Variants in MYH13 observed in about 807,000 individuals in gnomAD.
MYH13 encodes the protein myosin heavy chain 13.
A neutral mutation model predicts 232.1 loss-of-function variants in MYH13; 177 were observed. The ratio of observed to expected loss-of-function variants is 0.76; its 90% CI spans 0.67 to 0.86. MYH13 has a LOEUF of 0.86. Ranked by LOEUF, MYH13 falls within the 40% of genes least tolerant of loss-of-function variation. The probability of loss-of-function intolerance (pLI) is 0.00; values close to 1 mark genes in which losing one functional copy is unlikely to be tolerated. For missense variants in MYH13, 2,246 were observed against 2,405.9 expected (o/e 0.93, Z 1.39); for synonymous variants, 884 against 923.5 (o/e 0.96, Z 0.78).
chr17:10,321,908 G>A (rs1188474075), intron 23 of MYH13, among the ~76,000 whole-genome samples, 200 bp from the exon 24 acceptor site: 2 of 152,082 alleles, frequency 1.3e-5, no homozygotes, highest in Non-Finnish European at 2.9e-5. Flanking sequence ...TCTCCCATTA[G>A]GATTATTCAT....
rs1478875991 is a variant in MYH13 at position 10,320,459 on chromosome 17, G to A, written c.3149C>T (p.Ala1050Val). The change falls in exon 25 of 41, where the codon GCG becomes GTG. Residue 1050 changes from alanine to valine, a missense_variant. Transcript: ENST00000252172. ...GSLEQEKKLR[A>V]DLERAKRKLE... Reference sequence around the variant, plus strand: ...CTTCCTCTTCGCCCTTTCCAAGTCCGCCCGCAGTTTCTTCTCCTGCTCTAA... The same window carrying A: ...CTTCCTCTTCGCCCTTTCCAAGTCCACCCGCAGTTTCTTCTCCTGCTCTAA... 8.7e-6 allele frequency: 14 copies of A among 1,613,272 alleles called. No homozygotes were observed. The highest frequency in any genetic ancestry group is 3.3e-5 in the South Asian group (3 of 90,790).
chr17:10,362,648 ACATGATC>A, intron 3 of MYH13, 145 bp from the exon 4 acceptor site: 1 of 1,177,096 alleles, frequency 8.5e-7, no homozygotes, highest in East Asian at 2.4e-5. Context: ...CCATGCCCCA[ACATGATC>A]CATAAATAAC....
chr17:10,308,666 C>A (rs533819218), intron 35 of MYH13, among the ~76,000 whole-genome samples: 10 of 151,918 alleles, frequency 6.6e-5, no homozygotes, highest in African/African-American at 2.4e-4. Context: ...TTTTTTTAAA[C>A]AAAGGAGTTT....
chr17:10,316,153 A>G, intron 27 of MYH13, 128 bp from the exon 28 acceptor site: 1 of 1,252,826 alleles, frequency 8.0e-7, no homozygotes, highest in Non-Finnish European at 1.1e-6. Flanking sequence ...AACAAAAAAA[A>G]GTTCAGTTTC....
chr17:10,318,048 C>T (rs1906779698), intron 27 of MYH13: 1 of 152,386 alleles, frequency 6.6e-6, no homozygotes, highest in Non-Finnish European at 1.5e-5. Flanking sequence ...TCAAGACCAG[C>T]CTGGCCAACA....
chr17:10,312,893 G>A lies in MYH13; in HGVS notation c.4182-136C>T. The A allele has an allele frequency of 3.5e-6, 4 of 1,159,040 alleles. No individual in the cohort carries two copies. In the African/African-American group the frequency reaches 4.7e-5, roughly 14 times the overall value. 71.8% of individuals were successfully genotyped at this position (1,159,040 alleles called of 1,614,324 possible). A position where few individuals can be genotyped will look rare whatever the true frequency, so the allele number is the denominator to read the frequency against. ...GACCAAGACCTAGGATTTGGTGAGT[G>A]GGGAGGATCCAAGTGTCACCGAGAG... On this transcript the variant is annotated intron_variant, in intron 30 of 40. Transcript: ENST00000252172.
Position 10,309,130 on chromosome 17 carries a change from C to T in MYH13, c.5169+104G>A, listed in dbSNP as rs892178591. ...GGGAGAAACCGGGTGCTCCTTCCCA[C>T]GGCGTGGGCCCTGAGTGGAGGGATA... On this transcript the variant is annotated intron_variant, in intron 35 of 40. Coordinates refer to ENST00000252172, the MANE Select transcript of MYH13 (RefSeq NM_003802.3). 40 of 1,221,760 alleles carry T rather than the reference C, an allele frequency of 3.3e-5. No homozygotes were observed. In the African/African-American group the frequency reaches 5.0e-4, roughly 15 times the overall value. The allele number at this position is 1,221,760 out of a possible 1,614,324, so 75.7% of individuals were successfully genotyped here. A position where few individuals can be genotyped will look rare whatever the true frequency, so the allele number is the denominator to read the frequency against.
chr17:10,367,013 T>C (rs2071842986), intron 2 of MYH13, among the ~76,000 whole-genome samples: 1 of 152,260 alleles, frequency 6.6e-6, no homozygotes, highest in Non-Finnish European at 1.5e-5. Flanking sequence ...ATAAGACTCT[T>C]GGCCTGCAGC....
At chr17:10,328,758 A>G (rs1348248846) in intron 21 of MYH13, among the ~76,000 whole-genome samples, 8 of 149,452 alleles carry the variant, frequency 5.4e-5, no homozygotes, top group Non-Finnish European at 1.2e-4. Flanking sequence ...GCTCACTGCA[A>G]CCTCCGCCTC....
At position 10,332,147 on chromosome 17, in the gene MYH13, G is replaced by T. The variant is rs1204372036; in HGVS notation, c.2250C>A (p.Leu750=). Residue 750 remains leucine, a synonymous_variant, in exon 20 of 41, where the codon CTC becomes CTA. Coordinates refer to ENST00000252172, the MANE Select transcript of MYH13 (RefSeq NM_003802.3). ...GCTCCCGGTCCACATCGATGGAGTT[G>T]AGGAGCTTCTCTGAGGCATTTTTGC... ...IDSKNASEKL[L]NSIDVDREQF... 6.2e-7 allele frequency: 1 copy of T among 1,613,902 alleles called. No individual in the cohort carries two copies. The highest frequency in any genetic ancestry group is 1.3e-5 in the African/African-American group (1 of 74,948).
At chr17:10,344,296 C>A (rs1262753445) in intron 15 of MYH13, among the ~76,000 whole-genome samples, 187 bp from the exon 16 acceptor site, 1 of 152,006 alleles carries the variant, frequency 6.6e-6, no homozygotes, top group East Asian at 1.9e-4. Context: ...AGAGTATGTG[C>A]TTAATTAATA....
intron 18 of MYH13, among the ~76,000 whole-genome samples, chr17:10,338,925 T>A (rs1187122855): frequency 7.2e-5 from 11 of 152,164 alleles, no homozygotes; most frequent in African/African-American, 2.7e-4. Flanking sequence ...ATGGTCTCGA[T>A]CTCCTGACCT....
chr17:10,320,348 T>C lies in MYH13; in HGVS notation c.3257+3A>G, dbSNP rs1215308681. ...ACACAGAGGTGGTAAAAGAAATATCTACTTTTTCAATTTCTCTTCTATTTG... is the reference window on the plus strand; with the variant it reads ...ACACAGAGGTGGTAAAAGAAATATCCACTTTTTCAATTTCTCTTCTATTTG... On this transcript the variant is annotated splice_donor_region_variant and intron_variant, in intron 25 of 40. Transcript: ENST00000252172. 1.2e-6 allele frequency: 2 copies of C among 1,611,246 alleles called. No homozygotes were observed. Among genetic ancestry groups the C allele is most frequent in the African/African-American group, 2.7e-5 (2 of 74,870 alleles).
At chr17:10,344,242 A>G in intron 15 of MYH13, 133 bp from the exon 16 acceptor site, 1 of 1,333,414 alleles carries the variant, frequency 7.5e-7, no homozygotes, top group Non-Finnish European at 1.0e-6. Flanking sequence ...GGTGAGAGCA[A>G]GACTCTTGGT....
rs754486353 is a variant in MYH13 at position 10,332,118 on chromosome 17, A to C, written c.2279T>G (p.Phe760Cys). Residue 760 changes from phenylalanine to cysteine, a missense_variant, in exon 20 of 41, where the codon TTC (phenylalanine) becomes TGC (cysteine). By Grantham distance (205) the Phe-to-Cys change is radical. Transcript: ENST00000252172. ...GCTCACCTTGGTGTTGCCGAACCTG[A>C]ACTGCTCCCGGTCCACATCGATGGA... ...LNSIDVDREQ[F>C]RFGNTKVFFK... is the part of the protein sequence containing the mutation. 1 of 1,613,796 alleles carries C rather than the reference A, an allele frequency of 6.2e-7. No homozygotes were observed. The highest frequency in any genetic ancestry group is 1.7e-5 in the Admixed American group (1 of 59,998).
intron 40 of MYH13, among the ~76,000 whole-genome samples, chr17:10,301,349 G>A (rs1021669679): frequency 2.0e-5 from 3 of 152,166 alleles, no homozygotes; most frequent in African/African-American, 7.2e-5. Flanking sequence ...GGTGGTCCAT[G>A]GGACTCCCCC....
chr17:10,363,170 G>T (rs1475360371), intron 3 of MYH13, among the ~76,000 whole-genome samples: 2 of 151,772 alleles, frequency 1.3e-5, no homozygotes, highest in Admixed American at 6.6e-5. Flanking sequence ...GCACTCCATG[G>T]CTCAGGAGAG....
chr17:10,357,940 G>C, intron 7 of MYH13, 113 bp from the exon 8 acceptor site: 1 of 860,586 alleles, frequency 1.2e-6, no homozygotes. Flanking sequence ...ATGTCGACCA[G>C]CTCCACCTGG....
intron 2 of MYH13, among the ~76,000 whole-genome samples, chr17:10,366,044 A>G (rs955920714): frequency 2.6e-5 from 4 of 151,932 alleles, no homozygotes; most frequent in African/African-American, 4.8e-5. Context: ...CAGAAAATTC[A>G]TCTTAAAGTC....
Sources: allele counts gnomAD v4.1 joint callset (sites outside exome capture counted in the v4.1 genomes callset), GRCh38; gene constraint gnomAD v4.1.1; transcripts MANE v1.5; gene names NCBI Gene and HGNC (gene_info 2026-07-23, HGNC 2026-07-21).